The following NAALADL2 variants were observed in gnomAD, a reference collection of about 807,000 sequenced individuals.
NAALADL2 encodes the protein inactive N-acetylated-alpha-linked acidic dipeptidase-like protein 2.
Under a neutral mutation model 87.2 loss-of-function variants are expected in NAALADL2, and 76 were observed. The observed-to-expected ratio is 0.87, with a 90% CI of 0.72 to 1.05. The LOEUF is 1.05. Ranked by LOEUF, NAALADL2 falls within the 50% of genes least tolerant of loss-of-function variation. The pLI is 0.00. For missense variants in NAALADL2, 1,089 were observed against 945.8 expected (o/e 1.15, Z -1.99); for synonymous variants, 354 against 331.0 (o/e 1.07, Z -0.75).
chr3:175,614,441 A>T (rs1725068110), intron 10 of NAALADL2, among the ~76,000 whole-genome samples: 1 of 152,250 alleles, frequency 6.6e-6, no homozygotes. Context: ...CTCTAGCTTA[A>T]ATTATAATAC....
chr3:175,726,369 C>T (rs1045446066), intron 11 of NAALADL2, among the ~76,000 whole-genome samples: 6 of 151,974 alleles, frequency 3.9e-5, no homozygotes, highest in African/African-American at 1.5e-4. Flanking sequence ...TTTATCTTTG[C>T]CTGAGGCTTT....
intron 2 of NAALADL2, among the ~76,000 whole-genome samples, chr3:174,714,840 T>C (rs1731029238): frequency 6.6e-6 from 1 of 152,200 alleles, no homozygotes; most frequent in Non-Finnish European, 1.5e-5. Flanking sequence ...CTATGTTGAA[T>C]AGGAGTGTTG....
chr3:174,599,582 A>C lies in NAALADL2; in HGVS notation c.-115+48945A>C, dbSNP rs564758390. On this transcript the variant is annotated intron_variant, in intron 2 of 3. Coordinates refer to the NAALADL2 transcript ENST00000434257. ...ATCAGTATCCTTCAATGTCTTAAGC[A>C]AAGCTAGATCATTAGAAATACTGAT... Among the ~76,000 whole-genome samples, 8 of 152,316 alleles carry C rather than the reference A, an allele frequency of 5.3e-5. No individual in the cohort carries two copies. In the South Asian group the frequency reaches 1.0e-3, roughly 20 times the overall value.
At chr3:175,501,011 C>T (rs1311687265) in intron 9 of NAALADL2, among the ~76,000 whole-genome samples, 1 of 152,068 alleles carries the variant, frequency 6.6e-6, no homozygotes, top group Non-Finnish European at 1.5e-5. Context: ...GCAAGTTTTA[C>T]AAGTGGGTGG....
At chr3:174,862,885 G>C (rs923069154) in intron 1 of NAALADL2, among the ~76,000 whole-genome samples, 4 of 151,946 alleles carry the variant, frequency 2.6e-5, no homozygotes, top group African/African-American at 9.7e-5. Flanking sequence ...TCTAGCTCTA[G>C]GAAATCCCTA....
At chr3:175,655,564 A>G in intron 11 of NAALADL2, 1 of 248,806 alleles carries the variant, frequency 4.0e-6, no homozygotes, top group Non-Finnish European at 8.4e-6. Context: ...TGAAAATCCT[A>G]CAAAGTCACT....
intron 2 of NAALADL2, among the ~76,000 whole-genome samples, chr3:175,195,322 GA>G (rs1031795923): frequency 3.6e-4 from 55 of 151,874 alleles, no homozygotes; most frequent in African/African-American, 1.3e-3. Flanking sequence ...TGGAAGAAGG[GA>G]GACAATAAGC....
In NAALADL2 at chr3:175,600,762, CT is replaced by C. The variant is rs1722874702; in HGVS notation, c.1800+24576del. Among the ~76,000 whole-genome samples, 3 of 151,820 alleles carry C rather than the reference CT, an allele frequency of 2.0e-5. No homozygotes were observed. The South Asian group carries it at 6.2e-4, about 31-fold the overall frequency. ...CCGTGTTAGCCAGGATGGTCTCGATCTCCTGACCTCGTGATCCGCCCGCCTC... is the reference window on the plus strand; with the variant it reads ...CCGTGTTAGCCAGGATGGTCTCGATCCCTGACCTCGTGATCCGCCCGCCTC... On this transcript the variant is annotated intron_variant, in intron 10 of 13. Coordinates refer to ENST00000454872, the MANE Select transcript of NAALADL2 (RefSeq NM_207015.3).
intron 12 of NAALADL2, among the ~76,000 whole-genome samples, chr3:175,754,394 C>G (rs753053854): frequency 6.6e-6 from 1 of 152,256 alleles, no homozygotes; most frequent in South Asian, 2.1e-4. Context: ...CCTTTGCTAC[C>G]ACCATTCCTC....
At chr3:174,471,579 T>A (rs1009912611) in intron 1 of NAALADL2, among the ~76,000 whole-genome samples, 10 of 151,856 alleles carry the variant, frequency 6.6e-5, no homozygotes, top group South Asian at 2.1e-4. Context: ...CAATTTTTTT[T>A]AAGAGATTTT....
chr3:174,706,936 TCAAA>T (rs1316093960), intron 2 of NAALADL2, among the ~76,000 whole-genome samples: 3 of 152,226 alleles, frequency 2.0e-5, no homozygotes, highest in South Asian at 4.1e-4. Context: ...TGTCAAGAAC[TCAAA>T]CAAATTTACA....
In NAALADL2 at chr3:175,612,152, G is replaced by A. The variant is rs149852376; in HGVS notation, c.1801-15139G>A. Among the ~76,000 whole-genome samples the A allele has an allele frequency of 5.9e-3, 898 of 152,180 alleles. 5 individuals carry two copies. Among genetic ancestry groups the A allele is most frequent in the African/African-American group, 0.02 (844 of 41,538 alleles). ...GAAATATATACATAATTTATCCAGC[G>A]ACATCTGACTGTATTAATATGAAGT... On this transcript the variant is annotated intron_variant, in intron 10 of 13. Transcript: ENST00000454872.
At chr3:175,141,964 C>T (rs9290540) in intron 2 of NAALADL2, among the ~76,000 whole-genome samples, 130,123 of 151,994 alleles carry the variant, frequency 0.86, 55,807 homozygotes, top group East Asian at 0.93. Flanking sequence ...TCTCTGAAGA[C>T]GTAAAAGTAT....
Position 175,576,839 on chromosome 3 carries a change from G to A in NAALADL2, c.1800+652G>A, listed in dbSNP as rs149291076. ...TTTACAAATTATTTATGCATTATTC[G>A]GAGCTATTTGAAAGCCTCTAGAATG... On this transcript the variant is annotated intron_variant, in intron 10 of 13. Transcript: ENST00000454872. Among the ~76,000 whole-genome samples the A allele has an allele frequency of 5.8e-3, 887 of 151,946 alleles. 8 individuals carry two copies. Among genetic ancestry groups the A allele is most frequent in the African/African-American group, 0.02 (837 of 41,392 alleles).
At chr3:175,561,002 T>C (rs1040677110) in intron 9 of NAALADL2, among the ~76,000 whole-genome samples, 2 of 152,202 alleles carry the variant, frequency 1.3e-5, no homozygotes. Flanking sequence ...GCTTACCTTA[T>C]ACGATTTGAA....
intron 2 of NAALADL2, among the ~76,000 whole-genome samples, chr3:174,684,828 G>A (rs191881351): frequency 2.6e-5 from 4 of 152,104 alleles, no homozygotes; most frequent in African/African-American, 7.2e-5. Flanking sequence ...GCAAACCAAC[G>A]AGCTATATTA....
intron 2 of NAALADL2, among the ~76,000 whole-genome samples, chr3:175,110,130 A>G (rs1723934717): frequency 6.6e-6 from 1 of 151,888 alleles, no homozygotes; most frequent in African/African-American, 2.4e-5. Context: ...CATTACATAC[A>G]GAACTCTTAT....
intron 13 of NAALADL2, among the ~76,000 whole-genome samples, chr3:175,774,273 T>A (rs186819554): frequency 1.3e-5 from 2 of 152,158 alleles, no homozygotes; most frequent in East Asian, 3.9e-4. Context: ...ATTCTAAACA[T>A]TAAGATTTAT....
intron 1 of NAALADL2, among the ~76,000 whole-genome samples, chr3:174,935,832 G>A (rs1320217779): frequency 1.3e-5 from 2 of 151,948 alleles, no homozygotes; most frequent in Non-Finnish European, 2.9e-5. Flanking sequence ...TATATTTTTT[G>A]CTAGACTATA....
Sources: gnomAD v4.1 joint callset for allele counts (sites outside exome capture counted in the v4.1 genomes callset) on GRCh38, gnomAD v4.1.1 for gene constraint, MANE v1.5 for transcripts, NCBI Gene and HGNC (gene_info 2026-07-23, HGNC 2026-07-21) for gene names.